PTPRG: variants seen among roughly 807,000 people sequenced by gnomAD.
The protein encoded by PTPRG is protein tyrosine phosphatase receptor type G.
In PTPRG, 102 loss-of-function variants were observed where a neutral mutation model predicts 165.3. The observed-to-expected ratio is 0.62, with a 90% CI of 0.53 to 0.73. The LOEUF (loss-of-function observed/expected upper bound fraction) is 0.73. Ranked by LOEUF, PTPRG falls within the 30% of genes least tolerant of loss-of-function variation. The pLI, the probability that PTPRG is intolerant of heterozygous loss-of-function variation, is 0.00. For synonymous variants in PTPRG, 675 were observed against 669.5 expected (o/e 1.01, Z -0.13); for missense variants, 1,866 against 1,861.4 (o/e 1.00, Z -0.05).
At chr3:62,157,028 T>C (rs199886918) in intron 6 of PTPRG, 39 bp from the exon 7 acceptor site, 1 of 1,540,668 alleles carries the variant, frequency 6.5e-7, no homozygotes, top group East Asian at 2.3e-5. Flanking sequence ...ATGGCATGAC[T>C]TACCATTGTG....
intron 1 of PTPRG, among the ~76,000 whole-genome samples, chr3:61,583,297 T>A (rs1429603329): frequency 6.6e-6 from 1 of 152,182 alleles, no homozygotes; most frequent in South Asian, 2.1e-4. Flanking sequence ...CCATGGAGAC[T>A]GAGCACAGGG....
At chr3:62,262,523 A>T in intron 16 of PTPRG, 1 of 300,016 alleles carries the variant, frequency 3.3e-6, no homozygotes, top group East Asian at 7.0e-5. Flanking sequence ...ACTATGATGT[A>T]TTCAAAAAGA....
intron 2 of PTPRG, among the ~76,000 whole-genome samples, chr3:61,970,985 A>G (rs2040368188): frequency 6.6e-6 from 1 of 152,166 alleles, no homozygotes; most frequent in African/African-American, 2.4e-5. Context: ...TTTATTCTCT[A>G]TTCTGTCAAT....
intron 2 of PTPRG, chr3:61,749,188 G>T: frequency 1.5e-6 from 1 of 670,302 alleles, no homozygotes; most frequent in South Asian, 1.5e-5. Context: ...TCCTCAACCT[G>T]TTTTCCCCTC....
chr3:61,812,494 C>A (rs998610413), intron 2 of PTPRG, among the ~76,000 whole-genome samples: 1 of 152,174 alleles, frequency 6.6e-6, no homozygotes, highest in Non-Finnish European at 1.5e-5. Context: ...CATTAAACTT[C>A]CTAAGTTTCC....
chr3:61,989,506 C>T, intron 2 of PTPRG, 119 bp from the exon 3 acceptor site: 1 of 923,700 alleles, frequency 1.1e-6, no homozygotes, highest in Non-Finnish European at 1.6e-6. Context: ...GTTTTCAGTA[C>T]ATTCACCTCT....
chr3:61,658,678 G>A (rs1225956081), intron 1 of PTPRG, among the ~76,000 whole-genome samples: 6 of 152,106 alleles, frequency 3.9e-5, no homozygotes, highest in Non-Finnish European at 7.3e-5. Flanking sequence ...TTCTTTGCGA[G>A]TTAAGGATTT....
intron 7 of PTPRG, among the ~76,000 whole-genome samples, chr3:62,167,060 C>T (rs571435190): frequency 1.1e-3 from 160 of 152,122 alleles, no homozygotes; most frequent in Middle Eastern, 3.4e-3. Flanking sequence ...AAAGTTAGAT[C>T]GGCAGTCCTG....
chr3:62,075,963 G>A (rs190823578), intron 4 of PTPRG, among the ~76,000 whole-genome samples: 75 of 152,238 alleles, frequency 4.9e-4, no homozygotes, highest in Non-Finnish European at 9.1e-4. Context: ...TTTGCCAAAT[G>A]TTAATCTTAA....
intron 1 of PTPRG, among the ~76,000 whole-genome samples, chr3:61,651,386 CAAG>C (rs1702351331): frequency 6.7e-6 from 1 of 149,662 alleles, no homozygotes; most frequent in African/African-American, 2.5e-5. Context: ...TTAAGTTTCA[CAAG>C]AAAATACTAG....
intron 2 of PTPRG, among the ~76,000 whole-genome samples, chr3:61,822,725 T>TA (rs1393117342): frequency 6.6e-6 from 1 of 152,256 alleles, no homozygotes; most frequent in East Asian, 1.9e-4. Context: ...ACATGGCCAT[T>TA]AATGGGGTAT....
chr3:61,880,756 G>A (rs190157320), intron 2 of PTPRG, among the ~76,000 whole-genome samples: 67 of 152,214 alleles, frequency 4.4e-4, no homozygotes, highest in Admixed American at 2.4e-3. Context: ...TTGGGATATA[G>A]GAGAAGAGGG....
chr3:62,258,076 T>C (rs1348836765), intron 16 of PTPRG, among the ~76,000 whole-genome samples: 1 of 151,968 alleles, frequency 6.6e-6, no homozygotes, highest in East Asian at 1.9e-4. Context: ...GCCTTAACAA[T>C]ACAAAAGTGG....
intron 1 of PTPRG, among the ~76,000 whole-genome samples, chr3:61,708,667 C>G (rs1381322102): frequency 6.6e-6 from 1 of 151,698 alleles, no homozygotes; most frequent in African/African-American, 2.4e-5. Flanking sequence ...CTGTGTTAGC[C>G]AGGATGGTCT....
chr3:61,654,776 C>CTTT (rs1355933819), intron 1 of PTPRG, among the ~76,000 whole-genome samples: 2 of 48,486 alleles, frequency 4.1e-5, no homozygotes, highest in African/African-American at 1.4e-4. Flanking sequence ...GCTACCTGTG[C>CTTT]TTTTTCTTTT....
intron 1 of PTPRG, among the ~76,000 whole-genome samples, chr3:61,564,370 C>T (rs1358463916): frequency 6.6e-6 from 1 of 152,166 alleles, no homozygotes; most frequent in Non-Finnish European, 1.5e-5. Context: ...GGGATGCAGT[C>T]AGTGGGCTGA....
intron 5 of PTPRG, among the ~76,000 whole-genome samples, chr3:62,105,823 C>T (rs959671501): frequency 1.3e-5 from 2 of 152,092 alleles, no homozygotes; most frequent in Admixed American, 6.6e-5. Context: ...CATATGTCAA[C>T]GTAGATCTCT....
intron 23 of PTPRG, among the ~76,000 whole-genome samples, chr3:62,275,254 TTAAGTAC>T (rs1346137276): frequency 6.6e-6 from 1 of 152,192 alleles, no homozygotes; most frequent in Non-Finnish European, 1.5e-5. Context: ...TGAGAACTAG[TTAAGTAC>T]TCCTTTATCT....
chr3:61,924,143 A>G (rs77526483), intron 2 of PTPRG, among the ~76,000 whole-genome samples: 3 of 152,084 alleles, frequency 2.0e-5, no homozygotes, highest in African/African-American at 7.2e-5. Context: ...CCTTTCCTCA[A>G]AGGTGTACTG....
Sources: allele counts gnomAD v4.1 joint callset (sites outside exome capture counted in the v4.1 genomes callset), GRCh38; gene constraint gnomAD v4.1.1; transcripts MANE v1.5; gene names NCBI Gene and HGNC (gene_info 2026-07-23, HGNC 2026-07-21).